Variants in TMEM254 observed in about 807,000 individuals in gnomAD.
The protein encoded by TMEM254 is transmembrane protein 254.
Under a neutral mutation model 13.9 loss-of-function variants are expected in TMEM254, and 16 were observed. The ratio of observed to expected loss-of-function variants is 1.15; its 90% CI spans 0.78 to 1.75. TMEM254 has a LOEUF of 1.75. Ranked by LOEUF, TMEM254 falls within the 40% of genes most tolerant of loss-of-function variation. TMEM254 has a pLI of 0.00. For missense variants in TMEM254, 155 were observed against 149.0 expected, an observed-to-expected ratio of 1.04 and a Z score of -0.21; for synonymous variants, 61 against 56.4, an observed-to-expected ratio of 1.08 and a Z score of -0.36.
intron 3 of TMEM254, 76 bp from the exon 4 acceptor site, chr10:80,090,721 A>G (rs1844540729): frequency 7.2e-7 from 1 of 1,393,174 alleles, no homozygotes; most frequent in Admixed American, 2.3e-5. Context: ...TAAAAAATAT[A>G]TATATAGAAG....
intron 1 of TMEM254, chr10:80,079,329 T>C (rs1843838568): frequency 1.7e-6 from 2 of 1,194,134 alleles, no homozygotes; most frequent in Admixed American, 3.7e-5. Flanking sequence ...TTCGGTGGGC[T>C]CTTAGGATAG....
chr10:80,086,815 T>C (rs1844339355), intron 3 of TMEM254, among the ~76,000 whole-genome samples: 2 of 145,946 alleles, frequency 1.4e-5, no homozygotes, highest in Non-Finnish European at 3.0e-5. Context: ...CACTCCAGCC[T>C]GGGCAACACA....
At chr10:80,081,665 C>CAAAA in intron 1 of TMEM254, 176 bp from the exon 2 acceptor site, 1 of 1,425,096 alleles carries the variant, frequency 7.0e-7, no homozygotes, top group Non-Finnish European at 9.5e-7. Context: ...GAGACCCTGT[C>CAAAA]AAAAAAAAAA....
intron 3 of TMEM254, among the ~76,000 whole-genome samples, chr10:80,084,094 A>G (rs958490227): frequency 6.6e-6 from 1 of 152,020 alleles, no homozygotes; most frequent in Non-Finnish European, 1.5e-5. Context: ...CAAAAAAAAT[A>G]AAAGTTAAAA....
intron 3 of TMEM254, 122 bp from the exon 4 acceptor site, chr10:80,090,675 A>C (rs1434452913): frequency 3.3e-6 from 3 of 916,146 alleles, no homozygotes; most frequent in African/African-American, 3.4e-5. Context: ...GAAAAGCAGC[A>C]AAATAAACCC....
intron 3 of TMEM254, among the ~76,000 whole-genome samples, chr10:80,087,491 A>AC (rs1844373521): frequency 6.6e-6 from 1 of 151,100 alleles, no homozygotes; most frequent in South Asian, 2.1e-4. Flanking sequence ...AAAAATACAA[A>AC]AAAAAAAAAA....
Position 80,079,790 on chromosome 10 carries a change from G to A in TMEM254, c.87+1004G>A, listed in dbSNP as rs191004232. The stretch of plus-strand genomic sequence containing the variant: ...TGCAGTGGGGCGATCTCGGCTCACT[G>A]CAACCTCTGCTTCCCAGGTTCAAGC... On this transcript the variant is annotated intron_variant, in intron 1 of 3. Transcript: ENST00000372281. The A allele has an allele frequency of 2.1e-4, 141 of 676,300 alleles. No individual in the cohort carries two copies. In the African/African-American group the frequency reaches 2.4e-3, roughly 11 times the overall value. 41.9% of individuals were successfully genotyped at this position (676,300 alleles called of 1,614,324 possible). A position where few individuals can be genotyped will look rare whatever the true frequency, so the allele number is the denominator to read the frequency against.
At chr10:80,083,727 G>T (rs151031929) in intron 3 of TMEM254, among the ~76,000 whole-genome samples, 46 of 152,228 alleles carry the variant, frequency 3.0e-4, no homozygotes, top group South Asian at 1.5e-3. Context: ...AATAATCGCT[G>T]CTTGTGGTCC....
rs534527713 is a variant in TMEM254 at position 80,091,055 on chromosome 10, G to C, written c.*138G>C. 8.9e-7 allele frequency: 1 copy of C among 1,127,398 alleles called. No individual in the cohort carries two copies. 69.8% of individuals were successfully genotyped at this position (1,127,398 alleles called of 1,614,324 possible). A position where few individuals can be genotyped will look rare whatever the true frequency, so the allele number is the denominator to read the frequency against. On this transcript the variant is annotated 3_prime_UTR_variant, in exon 4 of 4. Transcript: ENST00000372281. ...CTTCAAAGCTCTTTAAGACCCCCTCGTTAGTCAGTTTTTTCTCTTATATGC... is the reference window on the plus strand; with the variant it reads ...CTTCAAAGCTCTTTAAGACCCCCTCCTTAGTCAGTTTTTTCTCTTATATGC...
chr10:80,082,345 C>T (rs1266415142), intron 3 of TMEM254, 141 bp downstream of exon 3: 11 of 907,382 alleles, frequency 1.2e-5, no homozygotes, highest in Non-Finnish European at 1.9e-5. Flanking sequence ...TGATACTGAG[C>T]CTGGAGCAGA....
Position 80,078,682 on chromosome 10 carries a change from C to G in TMEM254, c.-18C>G. On this transcript the variant is annotated 5_prime_UTR_variant, in exon 1 of 4. Transcript: ENST00000372281. ...TCGACGGTGTCCTGAAGCGCGCTCC[C>G]GGGGAGGTGTTGCAGCCATGGCTAC... 5 of 1,585,784 alleles carry G rather than the reference C, an allele frequency of 3.2e-6. No individual in the cohort carries two copies. The highest frequency in any genetic ancestry group is 3.4e-6 in the Non-Finnish European group (4 of 1,168,992).
intron 3 of TMEM254, among the ~76,000 whole-genome samples, chr10:80,087,395 C>T (rs1314539429): frequency 1.3e-5 from 2 of 151,618 alleles, no homozygotes; most frequent in Non-Finnish European, 2.9e-5. Flanking sequence ...GTAATTCCAG[C>T]ACTTTGAGAG....
chr10:80,089,769 C>T (rs1404665982), intron 3 of TMEM254, among the ~76,000 whole-genome samples: 4 of 151,672 alleles, frequency 2.6e-5, no homozygotes, highest in Non-Finnish European at 4.4e-5. Context: ...TTTGGGAGGC[C>T]GAGGTGGGTG....
At position 80,081,869 on chromosome 10, in the gene TMEM254, C is replaced by T. The variant is rs760340690; in HGVS notation, c.116C>T (p.Pro39Leu). ...GTTGTCTTCTGGCCTCAGAGTATCC[C>T]TTATCAGAACCTTGGGCCCCTGGGC... Reference protein sequence around the residue: ...TWVVFWPQSIPYQNLGPLGPF... With the variant: ...TWVVFWPQSILYQNLGPLGPF... Residue 39 changes from proline to leucine, a missense_variant, in exon 2 of 4, where the codon CCT (proline) becomes CTT (leucine). Pro to Leu is a moderately conservative substitution (Grantham distance 98). Transcript: ENST00000372281. 6.2e-7 allele frequency: 1 copy of T among 1,614,196 alleles called. No homozygotes were observed. The highest frequency in any genetic ancestry group is 1.3e-5 in the African/African-American group (1 of 75,052).
intron 1 of TMEM254, chr10:80,079,764 G>A (rs186150499): frequency 4.3e-6 from 4 of 929,416 alleles, no homozygotes; most frequent in East Asian, 1.2e-4. Context: ...CCAGGCTGGA[G>A]TGCAGTGGGG....
chr10:80,090,775 A>G (rs1327675034), intron 3 of TMEM254, 22 bp from the exon 4 acceptor site: 1 of 1,602,800 alleles, frequency 6.2e-7, no homozygotes, highest in African/African-American at 1.3e-5. Context: ...CTCGTGTTTA[A>G]ATTTTGTTTT....
Position 80,081,839 on chromosome 10 carries a change from A to G in TMEM254, c.88-2A>G. The G allele has an allele frequency of 6.2e-7, 1 of 1,614,146 alleles. No individual in the cohort carries two copies. On this transcript the variant is annotated splice_acceptor_variant, in intron 1 of 3. Transcript: ENST00000372281. LOFTEE classifies it high-confidence loss of function. The stretch of plus-strand genomic sequence containing the variant: ...TATTCTGTGTCTCTGCTTCTCTTTC[A>G]GTGGGTTGTCTTCTGGCCTCAGAGT...
intron 3 of TMEM254, chr10:80,090,458 C>T: frequency 1.4e-6 from 1 of 716,946 alleles, no homozygotes; most frequent in Non-Finnish European, 2.6e-6. Flanking sequence ...GGATTTATAT[C>T]TGGTCTATTT....
At position 80,088,903 on chromosome 10, in the gene TMEM254, T is replaced by C. The variant is rs79988751; in HGVS notation, c.252-1894T>C. ...CTGAGCCACCACACCTGGCCAACTT[T>C]TGTTGTTGTTTTTGTTTTTGTTTTT... is the stretch of plus-strand genomic sequence containing the variant. On this transcript the variant is annotated intron_variant, in intron 3 of 3. Coordinates refer to ENST00000372281, the MANE Select transcript of TMEM254 (RefSeq NM_025125.4). Among the ~76,000 whole-genome samples the C allele has an allele frequency of 4.7e-3, 712 of 152,014 alleles. 8 individuals carry two copies. Among genetic ancestry groups the C allele is most frequent in the African/African-American group, 0.016 (658 of 41,462 alleles).
Sources: allele counts gnomAD v4.1 joint callset (sites outside exome capture counted in the v4.1 genomes callset), GRCh38; gene constraint gnomAD v4.1.1; transcripts MANE v1.5; gene names NCBI Gene and HGNC (gene_info 2026-07-23, HGNC 2026-07-21).